CACNA1A: variants seen among roughly 807,000 people sequenced by gnomAD.
The protein encoded by CACNA1A is voltage-dependent P/Q-type calcium channel subunit alpha-1A.
In CACNA1A, 57 loss-of-function variants were observed where a neutral mutation model predicts 262.4. The ratio of observed to expected loss-of-function variants is 0.22; its 90% confidence interval spans 0.18 to 0.27. The LOEUF (loss-of-function observed/expected upper bound fraction) is 0.27, where lower values mean the gene tolerates loss of function less well. Ranked by LOEUF, CACNA1A falls within the 10% of genes least tolerant of loss-of-function variation. CACNA1A has a pLI of 1.00. For synonymous variants in CACNA1A, 1,431 were observed against 1,419.3 expected (o/e 1.01, Z -0.18); for missense variants, 2,526 against 3,562.8 (o/e 0.71, Z 7.41).
At chr19:13,253,127 G>C in intron 29 of CACNA1A, 26 bp from the exon 30 acceptor site, 13 of 1,485,388 alleles carry the variant, frequency 8.8e-6, no homozygotes, top group Non-Finnish European at 1.0e-5. Flanking sequence ...AGGAGTAGCA[G>C]GGGTCAGCGA....
intron 10 of CACNA1A, among the ~76,000 whole-genome samples, chr19:13,320,036 C>T (rs2058215785): frequency 6.6e-6 from 1 of 152,178 alleles, no homozygotes; most frequent in South Asian, 2.1e-4. Context: ...AGGGACGCCT[C>T]TCCTTTCTGC....
chr19:13,299,007 C>T lies in CACNA1A; in HGVS notation c.2626G>A (p.Gly876Ser), dbSNP rs763054302. Residue 876 changes from glycine to serine, a missense_variant, in exon 19 of 47, where the codon GGC becomes AGC. Around this residue, in one of 17 missense-constraint regions of CACNA1A, gnomAD observed 765 missense variants for 748.6 expected, o/e 1.02. Coordinates refer to ENST00000360228, the MANE Select transcript of CACNA1A (RefSeq NM_001127222.2). ...GCCCAGGGCCTCCGTGCGTCCAGGC[C>T]CGCCGAGCCGCTGGGGTCCCGGGCC... Reference protein sequence around the residue: ...DRARDPSGSAGLDARRPWAGS... With the variant: ...DRARDPSGSASLDARRPWAGS... The T allele has an allele frequency of 3.9e-5, 62 of 1,581,906 alleles. No homozygotes were observed. The highest frequency in any genetic ancestry group is 3.3e-4 in the Middle Eastern group (2 of 6,010).
chr19:13,365,062 AT>A (rs2059182774), intron 5 of CACNA1A: 1 of 323,398 alleles, frequency 3.1e-6, no homozygotes, highest in East Asian at 4.9e-5. Context: ...TCACTTCCTC[AT>A]TCCCCCGATG....
chr19:13,214,392 G>A lies in CACNA1A; in HGVS notation c.5840-59C>T. On this transcript the variant is annotated intron_variant, in intron 39 of 46. Transcript: ENST00000360228. The surrounding 1 kb of genome is among the most constrained non-coding windows in gnomAD (Gnocchi z 4.1). Reference sequence around the variant, plus strand: ...CAGGCCTCTTTGGGGCCCTTGTCCTGGGTCCCTGTGTATACCAGCCCAGGC... The same window carrying A: ...CAGGCCTCTTTGGGGCCCTTGTCCTAGGTCCCTGTGTATACCAGCCCAGGC... 1 of 1,576,504 alleles carries A rather than the reference G, an allele frequency of 6.3e-7. No homozygotes were observed. The highest frequency in any genetic ancestry group is 8.7e-7 in the Non-Finnish European group (1 of 1,149,970).
intron 3 of CACNA1A, among the ~76,000 whole-genome samples, chr19:13,410,838 T>C (rs1329158762): frequency 1.3e-5 from 2 of 152,166 alleles, no homozygotes; most frequent in Non-Finnish European, 2.9e-5. Flanking sequence ...CTTAGCACTT[T>C]CCTTGCATGA....
intron 6 of CACNA1A, among the ~76,000 whole-genome samples, chr19:13,341,743 T>C (rs1301628209): frequency 1.3e-5 from 2 of 152,220 alleles, no homozygotes; most frequent in African/African-American, 4.8e-5. Flanking sequence ...GCACCCCTCA[T>C]TTCTGGTCCC....
chr19:13,295,222 G>A (rs563152187), intron 19 of CACNA1A, among the ~76,000 whole-genome samples: 2 of 152,330 alleles, frequency 1.3e-5, no homozygotes, highest in African/African-American at 4.8e-5. Flanking sequence ...AGATTGAAGC[G>A]AAAGAATGAC....
In CACNA1A at chr19:13,255,198, T is replaced by A. The variant is rs778159926; in HGVS notation, c.4652A>T (p.Lys1551Met). 1 of 1,613,172 alleles carries A rather than the reference T, an allele frequency of 6.2e-7. No individual in the cohort carries two copies. ...KPLTRHMPQN[K>M]QSFQYRMWQF... is the part of the protein sequence containing the mutation. ...CCACATGCGGTACTGGAAGCTCTGCTTGTTCTGCGGCATGTGTCGGGTCAG... is the reference window on the plus strand; with the variant it reads ...CCACATGCGGTACTGGAAGCTCTGCATGTTCTGCGGCATGTGTCGGGTCAG... The change falls in exon 29 of 47, where the codon AAG becomes ATG. Residue 1551 changes from lysine to methionine, a missense_variant. Lys to Met is a moderately conservative substitution (Grantham distance 95). Transcript: ENST00000360228.
chr19:13,338,839 C>T (rs186798470), intron 6 of CACNA1A, among the ~76,000 whole-genome samples: 176 of 152,068 alleles, frequency 1.2e-3, no homozygotes, highest in Middle Eastern at 6.8e-3. Flanking sequence ...GCGGATTTTT[C>T]TGTATGTTTA....
chr19:13,214,648 G>T lies in CACNA1A; in HGVS notation c.5732-40C>A. ...TAGACAGACCCTGACTGCCTGCCTG[G>T]GTGTCAGCTGGACTCTGGGTCAGCT... On this transcript the variant is annotated intron_variant, in intron 38 of 46. Coordinates refer to ENST00000360228, the MANE Select transcript of CACNA1A (RefSeq NM_001127222.2). This position sits in a 1 kb window ranked among gnomAD's most constrained non-coding sequence, Gnocchi z 4.1. 1 of 1,494,780 alleles carries T rather than the reference G, an allele frequency of 6.7e-7. No individual in the cohort carries two copies. Among genetic ancestry groups the T allele is most frequent in the Non-Finnish European group, 9.3e-7 (1 of 1,080,948 alleles). The allele number at this position is 1,494,780 out of a possible 1,614,324, so 92.6% of individuals were successfully genotyped here. A position where few individuals can be genotyped will look rare whatever the true frequency, so the allele number is the denominator to read the frequency against.
intron 6 of CACNA1A, among the ~76,000 whole-genome samples, chr19:13,350,810 C>T (rs1473143558): frequency 6.6e-6 from 1 of 152,076 alleles, no homozygotes; most frequent in Non-Finnish European, 1.5e-5. Flanking sequence ...TCGAGGACAG[C>T]GTGGGCAATG....
At chr19:13,259,136 TCAC>T (rs1055306988) in intron 27 of CACNA1A, 2 of 86,390 alleles carry the variant, frequency 2.3e-5, no homozygotes, top group African/African-American at 8.0e-5. Flanking sequence ...TGATTCAGCC[TCAC>T]TTTTTTTTTT....
chr19:13,352,203 C>T (rs12460991), intron 6 of CACNA1A, among the ~76,000 whole-genome samples: 7 of 152,000 alleles, frequency 4.6e-5, no homozygotes, highest in Admixed American at 2.0e-4. Flanking sequence ...CTTACGAGTT[C>T]GAGACCAGCC....
At position 13,406,465 on chromosome 19, in the gene CACNA1A, T is replaced by TTTTA. The variant is rs1555781801; in HGVS notation, c.540-34687_540-34686insTAAA. Among the ~76,000 whole-genome samples, 74 of 31,536 alleles carry TTTTA rather than the reference T, an allele frequency of 2.3e-3. 3 individuals are homozygous for TTTTA. The highest frequency in any genetic ancestry group is 8.4e-3 in the South Asian group (5 of 598). 20.7% of individuals were successfully genotyped at this position (31,536 alleles called of 152,430 possible). A position where few individuals can be genotyped will look rare whatever the true frequency, so the allele number is the denominator to read the frequency against. On this transcript the variant is annotated intron_variant, in intron 3 of 46. Transcript: ENST00000360228. The stretch of plus-strand genomic sequence containing the variant: ...GGGAGACTCTGTCTCAAAAAAAAAA[T>TTTTA]TATATATATATATATATATATATAT...
chr19:13,365,988 T>A (rs893066150), intron 4 of CACNA1A: 3 of 147,842 alleles, frequency 2.0e-5, no homozygotes, highest in Non-Finnish European at 4.4e-5. Context: ...TATTATTATT[T>A]ATTTTATTTA....
rs2058144793 is a variant in CACNA1A at position 13,317,191 on chromosome 19, T to C, written c.1476A>G (p.Val492=). 1 of 1,613,616 alleles carries C rather than the reference T, an allele frequency of 6.2e-7. No homozygotes were observed. Among genetic ancestry groups the C allele is most frequent in the East Asian group, 2.2e-5 (1 of 44,882 alleles). Residue 492 remains valine (V), a synonymous_variant, in exon 11 of 47, where the codon GTA becomes GTG. Transcript: ENST00000360228. The part of the protein sequence containing the change: ...MVKTQAFYWT[V]LSLVALNTLC... ...GCGTGTTGAGAGCTACCAAACTGAG[T>C]ACAGTCCAGTAGAAGGCCTGAGTTT...
At chr19:13,401,782 G>T (rs951623695) in intron 3 of CACNA1A, among the ~76,000 whole-genome samples, 1 of 152,124 alleles carries the variant, frequency 6.6e-6, no homozygotes, top group Admixed American at 6.6e-5. Context: ...GCATGGAGTC[G>T]AGCCATATTT....
intron 3 of CACNA1A, among the ~76,000 whole-genome samples, chr19:13,418,588 G>A (rs2060265190): frequency 6.6e-6 from 1 of 152,116 alleles, no homozygotes. Context: ...ACTTTGAGAG[G>A]GAAGAGGAGA....
chr19:13,223,310 C>G (rs1228552405), intron 38 of CACNA1A, among the ~76,000 whole-genome samples: 2 of 152,182 alleles, frequency 1.3e-5, no homozygotes, highest in Non-Finnish European at 2.9e-5. Flanking sequence ...TCTTCTGCCT[C>G]ATCCTCCCTA....
Sources: gnomAD v4.1 joint callset for allele counts (sites outside exome capture counted in the v4.1 genomes callset) on GRCh38, gnomAD v4.1.1 for gene constraint, gnomAD v4.1.1 regional missense constraint, Gnocchi (gnomAD v3.1) non-coding constraint, MANE v1.5 for transcripts, NCBI Gene and HGNC (gene_info 2026-07-23, HGNC 2026-07-21) for gene names.